UBE2L3: variants seen among roughly 807,000 people sequenced by gnomAD.
UBE2L3 encodes the protein ubiquitin-conjugating enzyme E2 L3.
UBE2L3 carries 1 observed loss-of-function variant against 17.8 expected under a neutral mutation model. The observed-to-expected ratio is 0.06, with a 90% CI of 0.02 to 0.27. The LOEUF (loss-of-function observed/expected upper bound fraction) is 0.27. UBE2L3 is among the 10% of genes least tolerant of loss of function. The pLI, the probability that UBE2L3 is intolerant of heterozygous loss-of-function variation, is 1.00. For missense variants in UBE2L3, 40 were observed against 192.6 expected (o/e 0.21, Z 4.69); for synonymous variants, 44 against 68.5 (o/e 0.64, Z 1.76).
intron 1 of UBE2L3, among the ~76,000 whole-genome samples, chr22:21,557,018 C>T (rs1430586640): frequency 2.6e-5 from 4 of 152,152 alleles, no homozygotes; most frequent in African/African-American, 9.7e-5. Context: ...CACGCCATTG[C>T]ACTCCAGCCT....
intron 1 of UBE2L3, among the ~76,000 whole-genome samples, chr22:21,589,375 C>G (rs5754238): frequency 0.22 from 32,936 of 150,704 alleles, 4,378 homozygotes; most frequent in East Asian, 0.52. Context: ...TCTTGATCTC[C>G]TGACCTCGTG....
intron 1 of UBE2L3, among the ~76,000 whole-genome samples, chr22:21,588,421 C>T (rs1031796879): frequency 3.3e-5 from 5 of 149,618 alleles, no homozygotes; most frequent in African/African-American, 4.9e-5. Flanking sequence ...CTCAGATATT[C>T]AGATGGAACT....
intron 2 of UBE2L3, among the ~76,000 whole-genome samples, chr22:21,595,701 A>AAG (rs1240841786): frequency 3.9e-5 from 6 of 152,142 alleles, no homozygotes; most frequent in Non-Finnish European, 8.8e-5. Flanking sequence ...GGTAACGTCT[A>AAG]AGGAAGAAAA....
upstream of UBE2L3, among the ~76,000 whole-genome samples, chr22:21,563,523 C>T (rs982146772): frequency 1.4e-5 from 2 of 145,458 alleles, no homozygotes; most frequent in African/African-American, 5.1e-5. Flanking sequence ...GATCGCGCCA[C>T]AGCACTCCAG....
At chr22:21,582,726 A>G (rs775725894) in intron 1 of UBE2L3, among the ~76,000 whole-genome samples, 1 of 151,844 alleles carries the variant, frequency 6.6e-6, no homozygotes, top group Non-Finnish European at 1.5e-5. Flanking sequence ...AGGTTTCACC[A>G]TGTTGGCCAG....
chr22:21,601,515 A>G (rs997969403), intron 2 of UBE2L3, among the ~76,000 whole-genome samples: 2 of 151,534 alleles, frequency 1.3e-5, no homozygotes, highest in African/African-American at 4.8e-5. Flanking sequence ...GGATTTCACC[A>G]TGTTGGTCAG....
chr22:21,604,264 C>T (rs1273740918), intron 2 of UBE2L3, among the ~76,000 whole-genome samples: 1 of 152,090 alleles, frequency 6.6e-6, no homozygotes, highest in Non-Finnish European at 1.5e-5. Flanking sequence ...CTTTGGGAGG[C>T]TGACTTGGGT....
At chr22:21,582,561 T>A (rs577699890) in intron 1 of UBE2L3, among the ~76,000 whole-genome samples, 1 of 152,106 alleles carries the variant, frequency 6.6e-6, no homozygotes, top group South Asian at 2.1e-4. Flanking sequence ...GTTTCACTAT[T>A]GTTGCCCAGC....
chr22:21,619,045 T>C (rs1364966040), intron 3 of UBE2L3, among the ~76,000 whole-genome samples: 1 of 152,148 alleles, frequency 6.6e-6, no homozygotes, highest in African/African-American at 2.4e-5. Flanking sequence ...GTAATTCTCC[T>C]GTTACAGGGC....
intron 2 of UBE2L3, among the ~76,000 whole-genome samples, chr22:21,604,124 A>G (rs377345830): frequency 1.8e-4 from 28 of 152,140 alleles, no homozygotes; most frequent in African/African-American, 6.8e-4. Context: ...GACTTCCTCA[A>G]TACAGCAGTA....
At chr22:21,620,388 G>T (rs1929985847) in intron 3 of UBE2L3, among the ~76,000 whole-genome samples, 1 of 152,080 alleles carries the variant, frequency 6.6e-6, no homozygotes, top group Non-Finnish European at 1.5e-5. Flanking sequence ...GTATGATTGA[G>T]CCACTGCACT....
At chr22:21,562,663 G>T (rs986801971) in intron 1 of UBE2L3, among the ~76,000 whole-genome samples, 23 of 144,240 alleles carry the variant, frequency 1.6e-4, no homozygotes, top group Non-Finnish European at 2.9e-4. Context: ...GAGCCACCAC[G>T]CCTGGGCTTT....
intron 1 of UBE2L3, among the ~76,000 whole-genome samples, chr22:21,570,147 G>T (rs979542979): frequency 6.6e-6 from 1 of 152,174 alleles, no homozygotes; most frequent in Non-Finnish European, 1.5e-5. Context: ...TTGTGTTACA[G>T]ACTTGTCTTT....
intron 1 of UBE2L3, among the ~76,000 whole-genome samples, chr22:21,585,398 C>A (rs5749493): frequency 0.31 from 47,022 of 151,960 alleles, 8,409 homozygotes; most frequent in East Asian, 0.51. Context: ...TTTTGCTATC[C>A]AGGATCCTTA....
In UBE2L3 at chr22:21,568,405, G is replaced by T. The variant is rs1427238675; in HGVS notation, c.27+634G>T. ...AAGTTCCAACTCCAGGAAGGCCTGA[G>T]GTCGGCCCCGATCGCGGCGCGGTTC... On this transcript the variant is annotated intron_variant, in intron 1 of 3. Transcript: ENST00000342192. 8 of 985,338 alleles carry T rather than the reference G, an allele frequency of 8.1e-6. No individual in the cohort carries two copies. In the South Asian group the frequency reaches 3.3e-4, roughly 40 times the overall value. The allele number at this position is 985,338 out of a possible 1,614,324, so 61.0% of individuals were successfully genotyped here. A position where few individuals can be genotyped will look rare whatever the true frequency, so the allele number is the denominator to read the frequency against.
At position 21,581,800 on chromosome 22, in the gene UBE2L3, C is replaced by CA. The variant is rs1226304090; in HGVS notation, c.28-11051dup. Among the ~76,000 whole-genome samples, 607 of 136,758 alleles carry CA rather than the reference C, an allele frequency of 4.4e-3. 2 individuals are homozygous for CA. The highest frequency in any genetic ancestry group is 0.012 in the South Asian group (50 of 4,308). 89.7% of individuals were successfully genotyped at this position (136,758 alleles called of 152,430 possible). On this transcript the variant is annotated intron_variant, in intron 1 of 3. Coordinates refer to ENST00000342192, the MANE Select transcript of UBE2L3 (RefSeq NM_003347.4). ...CTGGGCAACAATAGTGTAACTGTCTCAAAAAAAAAAGAAAAAAAAATTCAG... is the reference window on the plus strand; with the variant it reads ...CTGGGCAACAATAGTGTAACTGTCTCAAAAAAAAAAAGAAAAAAAAATTCAG...
chr22:21,614,770 A>G, intron 3 of UBE2L3: 1 of 393,956 alleles, frequency 2.5e-6, no homozygotes, highest in Non-Finnish European at 3.5e-6. Context: ...TATGCCCAAT[A>G]AAAACTTGTA....
intron 2 of UBE2L3, among the ~76,000 whole-genome samples, chr22:21,593,406 G>A (rs1188116951): frequency 6.6e-6 from 1 of 152,054 alleles, no homozygotes; most frequent in East Asian, 1.9e-4. Flanking sequence ...CCTCCAACCT[G>A]TGCCTTCCAT....
chr22:21,617,953 G>A (rs1412841575), intron 3 of UBE2L3, among the ~76,000 whole-genome samples: 1 of 152,070 alleles, frequency 6.6e-6, no homozygotes, highest in African/African-American at 2.4e-5. Flanking sequence ...AGGATGAGAT[G>A]GGTGGATCAT....
Sources: gnomAD v4.1 joint callset for allele counts (sites outside exome capture counted in the v4.1 genomes callset) on GRCh38, gnomAD v4.1.1 for gene constraint, MANE v1.5 for transcripts, NCBI Gene and HGNC (gene_info 2026-07-23, HGNC 2026-07-21) for gene names.